Variants in TRPM3 observed in about 807,000 individuals in gnomAD.
The protein encoded by TRPM3 is long transient receptor potential channel 3.
Under a neutral mutation model 181.2 loss-of-function variants are expected in TRPM3, and 77 were observed. The ratio of observed to expected loss-of-function variants is 0.42; its 90% CI spans 0.35 to 0.51. The LOEUF is 0.51. TRPM3 is among the 20% of genes least tolerant of loss of function. TRPM3 has a pLI of 0.01. For synonymous variants in TRPM3, 745 were observed against 796.4 expected (o/e 0.94, Z 1.09); for missense variants, 1,759 against 2,196.7 (o/e 0.80, Z 3.98).
chr9:70,897,909 G>T (rs752837898), intron 1 of TRPM3, among the ~76,000 whole-genome samples: 1 of 152,170 alleles, frequency 6.6e-6, no homozygotes, highest in Non-Finnish European at 1.5e-5. Context: ...CTCACGTTGT[G>T]TAGGGAGTTG....
chr9:71,029,761 C>T (rs1374917708), intron 1 of TRPM3, among the ~76,000 whole-genome samples: 1 of 151,902 alleles, frequency 6.6e-6, no homozygotes, highest in African/African-American at 2.4e-5. Context: ...TTTTTTGGGT[C>T]CTTATATAGA....
At chr9:71,153,619 T>C (rs2075845825) in intron 1 of TRPM3, among the ~76,000 whole-genome samples, 1 of 152,098 alleles carries the variant, frequency 6.6e-6, no homozygotes, top group African/African-American at 2.4e-5. Flanking sequence ...ACTCCCTTAA[T>C]GTTGATGATT....
chr9:70,859,703 T>C (rs1198693751), intron 3 of TRPM3, among the ~76,000 whole-genome samples: 1 of 152,142 alleles, frequency 6.6e-6, no homozygotes, highest in Non-Finnish European at 1.5e-5. Context: ...GTCTGTCAAA[T>C]GCACTACAAT....
intron 1 of TRPM3, among the ~76,000 whole-genome samples, chr9:71,419,501 G>C (rs1189203572): frequency 6.6e-6 from 1 of 151,898 alleles, no homozygotes; most frequent in Non-Finnish European, 1.5e-5. Flanking sequence ...AATCAGTCAG[G>C]TATCTAGTCA....
At chr9:70,986,199 T>C (rs1405727475) in intron 1 of TRPM3, among the ~76,000 whole-genome samples, 1 of 151,770 alleles carries the variant, frequency 6.6e-6, no homozygotes, top group Non-Finnish European at 1.5e-5. Context: ...CCAAAAAAAA[T>C]TAAAATTAAA....
At chr9:70,979,500 TA>T (rs1339140583) in intron 1 of TRPM3, among the ~76,000 whole-genome samples, 1 of 152,136 alleles carries the variant, frequency 6.6e-6, no homozygotes, top group Non-Finnish European at 1.5e-5. Flanking sequence ...ACCCCCAAAT[TA>T]AAAGAAACAG....
intron 1 of TRPM3, among the ~76,000 whole-genome samples, chr9:70,970,270 C>A (rs865922458): frequency 2.6e-5 from 4 of 152,062 alleles, no homozygotes; most frequent in Admixed American, 2.0e-4. Context: ...AAATGATGCC[C>A]CTTAGGGTCA....
intron 7 of TRPM3, among the ~76,000 whole-genome samples, chr9:70,767,323 CTCAT>C (rs759532289): frequency 1.3e-5 from 2 of 152,132 alleles, no homozygotes; most frequent in East Asian, 1.9e-4. Flanking sequence ...CATCTGCTTG[CTCAT>C]TCATTCATTC....
At chr9:71,161,676 GAAT>G (rs2076279234) in intron 1 of TRPM3, among the ~76,000 whole-genome samples, 2 of 152,130 alleles carry the variant, frequency 1.3e-5, no homozygotes, top group Non-Finnish European at 2.9e-5. Context: ...AGGAAACAGT[GAAT>G]AGGAGTACCT....
chr9:70,636,244 A>T (rs2057166893), intron 11 of TRPM3, among the ~76,000 whole-genome samples: 1 of 152,080 alleles, frequency 6.6e-6, no homozygotes. Flanking sequence ...TGTGTCATAG[A>T]ATATAGCATT....
intron 5 of TRPM3, among the ~76,000 whole-genome samples, chr9:70,839,500 TA>T (rs1189826611): frequency 2.6e-5 from 4 of 152,180 alleles, no homozygotes; most frequent in Admixed American, 2.6e-4. Flanking sequence ...ATAAATAAAA[TA>T]ATTCTAGTAG....
In TRPM3 at chr9:71,416,224, A is replaced by G. The variant is rs116621631; in HGVS notation, c.183+30429T>C. ...ATATAAATCAGAATAGGTACTTAAG[A>G]GAACAGAGAAAAGTTAATCAATACG... On this transcript the variant is annotated intron_variant, in intron 1 of 24. Coordinates refer to the TRPM3 transcript ENST00000357533. 2.6e-3 allele frequency among the ~76,000 whole-genome samples: 396 copies of G among 152,014 alleles called. 4 individuals carry two copies. Among genetic ancestry groups the G allele is most frequent in the African/African-American group, 9.2e-3 (380 of 41,528 alleles).
At chr9:70,670,575 C>T (rs1392086725) in intron 9 of TRPM3, among the ~76,000 whole-genome samples, 1 of 152,088 alleles carries the variant, frequency 6.6e-6, no homozygotes, top group Non-Finnish European at 1.5e-5. Flanking sequence ...GTGGTCTGTT[C>T]TGGATTCTCA....
rs1565414207 is a variant in TRPM3, at chr9:71,279,046, AAAATAAAAATAAAAAT to A, written c.183+167591_183+167606del. Among the ~76,000 whole-genome samples, 51 of 126,928 alleles carry A rather than the reference AAAATAAAAATAAAAAT, an allele frequency of 4.0e-4. 7 individuals carry two copies. The East Asian group carries it at 5.8e-3, about 15-fold the overall frequency. 83.3% of individuals were successfully genotyped at this position (126,928 alleles called of 152,430 possible). A position where few individuals can be genotyped will look rare whatever the true frequency, so the allele number is the denominator to read the frequency against. On this transcript the variant is annotated intron_variant, in intron 1 of 24. Coordinates refer to the TRPM3 transcript ENST00000357533. ...TATCCTGCTTAGGTTAAAAAAAATA[AAAATAAAAATAAAAAT>A]AAAAAAACCACCAACGACCATTTAT...
intron 1 of TRPM3, among the ~76,000 whole-genome samples, chr9:71,093,113 A>G (rs1565178074): frequency 6.6e-6 from 1 of 152,174 alleles, no homozygotes. Context: ...TAAATGTAAA[A>G]CCCAAAACCA....
chr9:70,892,553 C>T (rs980842536), intron 1 of TRPM3, among the ~76,000 whole-genome samples: 1 of 146,128 alleles, frequency 6.8e-6, no homozygotes, highest in African/African-American at 2.6e-5. Flanking sequence ...AAAAAAGTCT[C>T]AAGTCAATAC....
At chr9:70,977,046 T>TA (rs1322282950) in intron 1 of TRPM3, among the ~76,000 whole-genome samples, 3 of 152,214 alleles carry the variant, frequency 2.0e-5, no homozygotes, top group Non-Finnish European at 2.9e-5. Flanking sequence ...AAAAAATATT[T>TA]AAGAAACATA....
intron 6 of TRPM3, chr9:70,827,104 A>C (rs563748828): frequency 6.6e-6 from 1 of 152,248 alleles, no homozygotes; most frequent in Non-Finnish European, 1.5e-5. Flanking sequence ...ACATCTATCT[A>C]TATCTAAATC....
In TRPM3 at chr9:71,091,794, G is replaced by C. The variant is rs114160159; in HGVS notation, c.177+29384C>G. ...AAGAAAATCAATGATATAAACCCTA[G>C]AAAAGATCGGTTTTCGAGCATCATC... On this transcript the variant is annotated intron_variant, in intron 1 of 25. Coordinates refer to ENST00000677713, the MANE Select transcript of TRPM3 (RefSeq NM_001366145.2). Among the ~76,000 whole-genome samples, 733 of 152,024 alleles carry C rather than the reference G, an allele frequency of 4.8e-3. 8 individuals are homozygous for C. Among genetic ancestry groups the C allele is most frequent in the African/African-American group, 0.017 (699 of 41,448 alleles).
Sources: allele counts gnomAD v4.1 joint callset (sites outside exome capture counted in the v4.1 genomes callset), GRCh38; gene constraint gnomAD v4.1.1; transcripts MANE v1.5; gene names NCBI Gene and HGNC (gene_info 2026-07-23, HGNC 2026-07-21).